CCDC13: variants seen among roughly 807,000 people sequenced by gnomAD.
The protein encoded by CCDC13 is coiled-coil domain-containing protein 13.
A neutral mutation model predicts 87.3 loss-of-function variants in CCDC13; 70 were observed. The ratio of observed to expected loss-of-function variants is 0.80; its 90% CI spans 0.66 to 0.98. The LOEUF (loss-of-function observed/expected upper bound fraction) is 0.98, where lower values mean the gene tolerates loss of function less well. Among genes scored for constraint, CCDC13 ranks in the 50% least tolerant of loss-of-function variants. The probability of loss-of-function intolerance (pLI) is 0.00; values close to 1 mark genes in which losing one functional copy is unlikely to be tolerated. For synonymous variants in CCDC13, 317 were observed against 360.3 expected (o/e 0.88, Z 1.36); for missense variants, 842 against 892.0 (o/e 0.94, Z 0.71).
chr3:42,739,492 G>A (rs1699141096), intron 9 of CCDC13, 142 bp downstream of exon 9: 4 of 883,088 alleles, frequency 4.5e-6, no homozygotes, highest in East Asian at 5.4e-5. Context: ...CTTTGGTACT[G>A]GGGGCCATCT....
chr3:42,748,661 A>G (rs1575319324), intron 5 of CCDC13, among the ~76,000 whole-genome samples: 1 of 152,310 alleles, frequency 6.6e-6, no homozygotes, highest in East Asian at 1.9e-4. Flanking sequence ...CTAGACATGA[A>G]CACCTGGTCC....
At position 42,707,784 on chromosome 3, in the gene CCDC13, G is replaced by T. The variant is rs765155963; in HGVS notation, c.*1196C>A. ...TGTGCACGTACAGTTGCATGCTCCT[G>T]AATTGAGGTATGTGTGTGCATCTGC... On this transcript the variant is annotated 3_prime_UTR_variant, in exon 16 of 16. Transcript: ENST00000310232. Among the ~76,000 whole-genome samples, 3 of 152,222 alleles carry T rather than the reference G, an allele frequency of 2.0e-5. No homozygotes were observed. The highest frequency in any genetic ancestry group is 4.4e-5 in the Non-Finnish European group (3 of 68,042).
At chr3:42,768,859 C>T (rs186684474) in intron 1 of CCDC13, among the ~76,000 whole-genome samples, 4 of 152,054 alleles carry the variant, frequency 2.6e-5, no homozygotes, top group African/African-American at 7.2e-5. Flanking sequence ...TGGGCAAGGC[C>T]GGGCATGGTG....
At chr3:42,732,822 C>A in intron 12 of CCDC13, 65 bp downstream of exon 12, 1 of 1,380,160 alleles carries the variant, frequency 7.2e-7, no homozygotes, top group Non-Finnish European at 1.0e-6. Context: ...AATGGGATGG[C>A]AATACTGGTT....
chr3:42,732,019 G>A (rs2125882710), intron 12 of CCDC13, among the ~76,000 whole-genome samples: 1 of 152,290 alleles, frequency 6.6e-6, no homozygotes, highest in Admixed American at 6.5e-5. Flanking sequence ...CCATCTTCCT[G>A]CTCTCTTTAC....
chr3:42,742,091 C>T (rs984075026), intron 8 of CCDC13, among the ~76,000 whole-genome samples: 3 of 152,202 alleles, frequency 2.0e-5, no homozygotes, highest in African/African-American at 7.2e-5. Flanking sequence ...CTACTCCCTA[C>T]TCTCATTGCA....
rs567663191 is a variant in CCDC13, at chr3:42,707,905, G to A, written c.*1075C>T. 1.2e-4 allele frequency among the ~76,000 whole-genome samples: 18 copies of A among 152,340 alleles called. No homozygotes were observed. The highest frequency in any genetic ancestry group is 4.3e-4 in the African/African-American group (18 of 41,576). On this transcript the variant is annotated 3_prime_UTR_variant, in exon 16 of 16. Transcript: ENST00000310232. ...ACCCTCCTTGGGGCCACTCCTTCCT[G>A]TAGCTATAAGTGCATAGTTACAGCT...
intron 10 of CCDC13, among the ~76,000 whole-genome samples, chr3:42,734,488 C>T (rs1281435245): frequency 2.0e-5 from 3 of 152,146 alleles, no homozygotes; most frequent in Non-Finnish European, 2.9e-5. Context: ...CTTCCTTGTG[C>T]CCCCAGGCTC....
intron 13 of CCDC13, among the ~76,000 whole-genome samples, chr3:42,717,024 C>T (rs540302375): frequency 6.6e-6 from 1 of 152,198 alleles, no homozygotes; most frequent in African/African-American, 2.4e-5. Context: ...TGCTACCATA[C>T]GGATGAACCT....
intron 13 of CCDC13, among the ~76,000 whole-genome samples, chr3:42,723,189 G>C (rs1559640231): frequency 6.6e-6 from 1 of 152,134 alleles, no homozygotes; most frequent in Non-Finnish European, 1.5e-5. Context: ...ACCCTCTCTT[G>C]GGGTCTGGAT....
intron 5 of CCDC13, among the ~76,000 whole-genome samples, chr3:42,750,693 C>T (rs1200027039): frequency 6.6e-6 from 1 of 152,208 alleles, no homozygotes; most frequent in Non-Finnish European, 1.5e-5. Flanking sequence ...GTCTCGAACT[C>T]CTGGCCTCAA....
At chr3:42,709,168 G>T in intron 15 of CCDC13, 29 bp from the exon 16 acceptor site, 1 of 1,593,320 alleles carries the variant, frequency 6.3e-7, no homozygotes. Context: ...TGCTCAGTGT[G>T]GCTGGAGCTG....
chr3:42,730,250 T>C (rs1256272492), intron 13 of CCDC13, among the ~76,000 whole-genome samples: 1 of 151,858 alleles, frequency 6.6e-6, no homozygotes, highest in African/African-American at 2.4e-5. Context: ...AACAGTCCCA[T>C]TGGGTGCATG....
chr3:42,759,569 CT>C (rs928187095), intron 1 of CCDC13, among the ~76,000 whole-genome samples: 4 of 151,976 alleles, frequency 2.6e-5, no homozygotes, highest in Non-Finnish European at 5.9e-5. Context: ...TGTCTGGCTT[CT>C]TTTTTGCTCA....
chr3:42,760,292 C>CTAAATAAA (rs56384940), intron 1 of CCDC13, among the ~76,000 whole-genome samples: 99 of 144,762 alleles, frequency 6.8e-4, no homozygotes, highest in African/African-American at 1.1e-3. Context: ...ATTCTTGTCT[C>CTAAATAAA]TAAATAAATA....
At chr3:42,713,041 T>A in intron 14 of CCDC13, 121 bp downstream of exon 14, 1 of 1,163,900 alleles carries the variant, frequency 8.6e-7, no homozygotes, top group South Asian at 1.6e-5. Flanking sequence ...AGCTCCACCC[T>A]GATGGAAGCT....
chr3:42,733,409 A>C, intron 11 of CCDC13, 61 bp downstream of exon 11: 1 of 1,596,682 alleles, frequency 6.3e-7, no homozygotes, highest in Non-Finnish European at 8.6e-7. Flanking sequence ...AGCAAGAAAC[A>C]ACCTTTCTTC....
At position 42,713,210 on chromosome 3, in the gene CCDC13, G is replaced by A. The variant is rs765734392; in HGVS notation, c.1825C>T (p.Pro609Ser). Residue 609 changes from proline (P) to serine (S), a missense_variant, in exon 14 of 16, where the codon CCA becomes TCA. Coordinates refer to ENST00000310232, the MANE Select transcript of CCDC13 (RefSeq NM_144719.4). ...EQHLEKIRLE[P>S]GKASASQRAA... ...CTCTGGGAGGCTGATGCCTTCCCTG[G>A]CTCCAGGCGTATCTTCTCCAGATGT... The A allele has an allele frequency of 1.2e-6, 2 of 1,614,172 alleles. No homozygotes were observed. Among genetic ancestry groups the A allele is most frequent in the East Asian group, 2.2e-5 (1 of 44,884 alleles).
chr3:42,726,063 C>CG (rs907463611), intron 13 of CCDC13, among the ~76,000 whole-genome samples: 14 of 152,020 alleles, frequency 9.2e-5, no homozygotes, highest in Non-Finnish European at 2.1e-4. Context: ...GTTTTTGAGA[C>CG]GGGGGTGTTT....
Sources: gnomAD v4.1 joint callset for allele counts (sites outside exome capture counted in the v4.1 genomes callset) on GRCh38, gnomAD v4.1.1 for gene constraint, MANE v1.5 for transcripts, NCBI Gene and HGNC (gene_info 2026-07-23, HGNC 2026-07-21) for gene names.